Variants in UGT1A3 observed in about 807,000 individuals in gnomAD.
UGT1A3 encodes UDP-glucuronosyltransferase 1A3.
Under a neutral mutation model 41.0 loss-of-function variants are expected in UGT1A3, and 31 were observed. The ratio of observed to expected loss-of-function variants is 0.76; its 90% confidence interval spans 0.57 to 1.02. The LOEUF (loss-of-function observed/expected upper bound fraction) is 1.02, where lower values mean the gene tolerates loss of function less well. UGT1A3 is among the 50% of genes least tolerant of loss of function. The pLI is 0.00. For synonymous variants in UGT1A3, 262 were observed against 257.6 expected, an observed-to-expected ratio of 1.02 and a Z score of -0.17; for missense variants, 737 against 671.0, an observed-to-expected ratio of 1.10 and a Z score of -1.09.
rs779879780 is a variant in UGT1A3 at position 233,772,123 on chromosome 2, AACAAC to A, written c.1308-137_1308-133del. ...GCAAGACTCTGTATCTAAAAACAAC[AACAAC>A]AACAATAATAGAAACAGGTTTCCTT... On this transcript the variant is annotated intron_variant, in intron 4 of 4. Transcript: ENST00000482026. 9.6e-4 allele frequency: 1,484 copies of A among 1,538,280 alleles called. 5 individuals are homozygous for A. The highest frequency in any genetic ancestry group is 4.4e-3 in the Admixed American group (222 of 50,484).
intron 1 of UGT1A3, among the ~76,000 whole-genome samples, chr2:233,732,747 C>T (rs2078308352): frequency 6.7e-6 from 1 of 150,262 alleles, no homozygotes; most frequent in South Asian, 2.1e-4. Flanking sequence ...CATGATGCCA[C>T]CAGCTTTGTT....
chr2:233,740,777 G>C (rs541057948), intron 1 of UGT1A3: 2 of 151,918 alleles, frequency 1.3e-5, no homozygotes, highest in South Asian at 4.2e-4. Flanking sequence ...TTGTATAAAA[G>C]ATGAATACCC....
At chr2:233,730,860 C>A (rs1179282206) in intron 1 of UGT1A3, among the ~76,000 whole-genome samples, 1 of 152,164 alleles carries the variant, frequency 6.6e-6, no homozygotes, top group Non-Finnish European at 1.5e-5. Context: ...CAAACCCACC[C>A]TACTGCACTC....
intron 1 of UGT1A3, chr2:233,743,705 G>A (rs756391897): frequency 8.8e-6 from 12 of 1,367,306 alleles, no homozygotes; most frequent in South Asian, 2.3e-5. Context: ...CTCCGCCCCC[G>A]CCTCGCCATA....
At chr2:233,754,441 A>G (rs1275435430) in intron 1 of UGT1A3, 18 of 350,072 alleles carry the variant, frequency 5.1e-5, no homozygotes, top group Non-Finnish European at 5.6e-6. Context: ...AAGTGTTTAT[A>G]AATTCTTGGG....
intron 1 of UGT1A3, chr2:233,755,429 C>T (rs1352884628): frequency 3.1e-6 from 1 of 319,032 alleles, no homozygotes; most frequent in Non-Finnish European, 6.1e-6. Flanking sequence ...CGCCTCGCAT[C>T]CCAAGATGCA....
chr2:233,754,737 G>A lies in UGT1A3; in HGVS notation c.868-12297G>A, dbSNP rs1218911837. 3 of 665,250 alleles carry A rather than the reference G, an allele frequency of 4.5e-6. No homozygotes were observed. In the East Asian group the frequency reaches 2.0e-4, roughly 44 times the overall value. The allele number at this position is 665,250 out of a possible 1,614,324, so 41.2% of individuals were successfully genotyped here. A position where few individuals can be genotyped will look rare whatever the true frequency, so the allele number is the denominator to read the frequency against. On this transcript the variant is annotated intron_variant, in intron 1 of 4. Transcript: ENST00000482026. Reference sequence around the variant, plus strand: ...GCTGCCTGTCCCATCACTACCGTAGGACATGCAGAAGGAAGAAAGGCCCCC... The same window carrying A: ...GCTGCCTGTCCCATCACTACCGTAGAACATGCAGAAGGAAGAAAGGCCCCC...
intron 1 of UGT1A3, among the ~76,000 whole-genome samples, chr2:233,766,284 C>T (rs982809777): frequency 7.9e-5 from 12 of 151,766 alleles, no homozygotes; most frequent in Non-Finnish European, 1.8e-4. Context: ...GGCCCGGGCT[C>T]GGTGGCCTGG....
chr2:233,743,966 G>A, intron 1 of UGT1A3: 1 of 1,328,722 alleles, frequency 7.5e-7, no homozygotes, highest in Non-Finnish European at 1.0e-6. Flanking sequence ...GAGCGGCAAG[G>A]CTGCCAGCAC....
intron 1 of UGT1A3, among the ~76,000 whole-genome samples, chr2:233,763,842 A>G (rs1366123587): frequency 6.6e-6 from 1 of 152,224 alleles, no homozygotes; most frequent in Non-Finnish European, 1.5e-5. Context: ...AGGGTAAGAT[A>G]GCAGTGGTTC....
chr2:233,768,916 T>A (rs1454588101), intron 4 of UGT1A3, among the ~76,000 whole-genome samples: 1 of 152,138 alleles, frequency 6.6e-6, no homozygotes, highest in African/African-American at 2.4e-5. Context: ...TAGAGGTTAT[T>A]ATTCACTTTA....
intron 1 of UGT1A3, chr2:233,747,921 G>C: frequency 6.2e-7 from 1 of 1,613,394 alleles, no homozygotes; most frequent in Non-Finnish European, 8.5e-7. Flanking sequence ...CCTTGCCTCT[G>C]AGCTTTTTCA....
intron 1 of UGT1A3, among the ~76,000 whole-genome samples, chr2:233,738,306 T>C (rs181527860): frequency 9.5e-4 from 144 of 152,344 alleles, no homozygotes; most frequent in Non-Finnish European, 1.5e-3. Context: ...TATGTCTTTA[T>C]AGCAGTGTGT....
chr2:233,772,380 C>T lies in UGT1A3; in HGVS notation c.1426C>T (p.Arg476Cys), dbSNP rs566674185. ...GAGGCACAAGGGCGCGCCACACCTGCGCCCCGCAGCCCACGACCTCACCTG... is the reference window on the plus strand; with the variant it reads ...GAGGCACAAGGGCGCGCCACACCTGTGCCCCGCAGCCCACGACCTCACCTG... ...VMRHKGAPHL[R>C]PAAHDLTWYQ... The change falls in exon 5 of 5, where the codon CGC becomes TGC. Residue 476 changes from arginine to cysteine, a missense_variant. Coordinates refer to ENST00000482026, the MANE Select transcript of UGT1A3 (RefSeq NM_019093.4). 5.6e-6 allele frequency: 9 copies of T among 1,614,144 alleles called. No homozygotes were observed. The highest frequency in any genetic ancestry group is 4.0e-5 in the African/African-American group (3 of 74,944).
intron 1 of UGT1A3, chr2:233,755,069 G>T: frequency 2.2e-6 from 3 of 1,336,508 alleles, no homozygotes; most frequent in Non-Finnish European, 3.0e-6. Flanking sequence ...CCTCGCCATA[G>T]CGGTCATAGA....
intron 1 of UGT1A3, among the ~76,000 whole-genome samples, chr2:233,739,383 G>A (rs1385341432): frequency 6.6e-6 from 1 of 152,210 alleles, no homozygotes; most frequent in South Asian, 2.1e-4. Context: ...GTGCCTGGAA[G>A]AGCCACAGAC....
At chr2:233,733,359 G>T (rs892320976) in intron 1 of UGT1A3, among the ~76,000 whole-genome samples, 1 of 152,164 alleles carries the variant, frequency 6.6e-6, no homozygotes, top group Non-Finnish European at 1.5e-5. Flanking sequence ...AGTAGGAGTG[G>T]TGAGAGAGGT....
intron 1 of UGT1A3, chr2:233,747,106 CATG>C: frequency 1.5e-6 from 2 of 1,377,620 alleles, no homozygotes; most frequent in Non-Finnish European, 2.0e-6. Context: ...CTTCCAATTA[CATG>C]ATGATTTGCT....
chr2:233,767,054 T>C lies in UGT1A3; in HGVS notation c.888T>C (p.Asn296=), dbSNP rs1164851963. ...PLSQEFEAYI[N]ASGEHGIVVF... ...TCTAGGAATTTGAAGCCTACATTAA[T>C]GCTTCTGGAGAACATGGAATTGTGG... is the stretch of plus-strand genomic sequence containing the variant. The change falls in exon 2 of 5, where the codon AAT becomes AAC. Residue 296 remains asparagine, a synonymous_variant. Coordinates refer to ENST00000482026, the MANE Select transcript of UGT1A3 (RefSeq NM_019093.4). The C allele has an allele frequency of 2.5e-6, 4 of 1,614,114 alleles. No homozygotes were observed. Among genetic ancestry groups the C allele is most frequent in the Non-Finnish European group, 2.5e-6 (3 of 1,179,982 alleles).
Sources: gnomAD v4.1 joint callset for allele counts (sites outside exome capture counted in the v4.1 genomes callset) on GRCh38, gnomAD v4.1.1 for gene constraint, MANE v1.5 for transcripts, NCBI Gene and HGNC (gene_info 2026-07-23, HGNC 2026-07-21) for gene names.